Variants in ROBO1 observed in about 807,000 individuals in gnomAD.
ROBO1 encodes the protein roundabout homolog 1.
ROBO1 carries 149 observed loss-of-function variants against 195.9 expected under a neutral mutation model. The observed-to-expected ratio is 0.76, with a 90% CI of 0.67 to 0.87. The LOEUF is 0.87. ROBO1 is among the 40% of genes least tolerant of loss of function. The pLI is 0.00. For missense variants in ROBO1, 1,933 were observed against 2,068.3 expected, an observed-to-expected ratio of 0.93 and a Z score of 1.27; for synonymous variants, 816 against 733.2, an observed-to-expected ratio of 1.11 and a Z score of -1.82.
At chr3:78,819,252 T>C (rs139348683) in intron 4 of ROBO1, among the ~76,000 whole-genome samples, 1 of 151,824 alleles carries the variant, frequency 6.6e-6, no homozygotes, top group African/African-American at 2.4e-5. Flanking sequence ...AATTTTAATG[T>C]CAAATTTAGT....
At chr3:78,668,094 A>G in intron 13 of ROBO1, 40 bp downstream of exon 13, 1 of 1,611,088 alleles carries the variant, frequency 6.2e-7, no homozygotes, top group South Asian at 1.1e-5. Context: ...TTAATGGAGA[A>G]TCAAAAAAGA....
chr3:78,798,693 C>T (rs1289125450), intron 4 of ROBO1, among the ~76,000 whole-genome samples: 1 of 152,094 alleles, frequency 6.6e-6, no homozygotes, highest in Non-Finnish European at 1.5e-5. Flanking sequence ...ACTAGGCAAA[C>T]ATATAGGAAC....
intron 2 of ROBO1, among the ~76,000 whole-genome samples, chr3:79,550,183 GAAAGAAAGAAAGGAAAA>G (rs1431658051): frequency 2.4e-4 from 20 of 82,804 alleles, no homozygotes; most frequent in African/African-American, 5.2e-4. Context: ...AAGAAAGAAA[GAAAGAAAGAAAGGAAAA>G]GAAAAGAAAA....
intron 3 of ROBO1, among the ~76,000 whole-genome samples, chr3:78,947,279 C>T (rs1430254296): frequency 6.6e-6 from 1 of 152,144 alleles, no homozygotes; most frequent in Non-Finnish European, 1.5e-5. Flanking sequence ...GGAAGTAAAG[C>T]ACTCCTCAGC....
At chr3:79,552,578 T>C (rs998945378) in intron 2 of ROBO1, among the ~76,000 whole-genome samples, 5 of 152,188 alleles carry the variant, frequency 3.3e-5, no homozygotes, top group African/African-American at 9.6e-5. Context: ...GAATTTCTAA[T>C]GTGCGAAGTA....
intron 2 of ROBO1, among the ~76,000 whole-genome samples, chr3:79,433,312 G>C (rs1214258175): frequency 6.6e-6 from 1 of 152,144 alleles, no homozygotes; most frequent in African/African-American, 2.4e-5. Context: ...AGTTTGCTGA[G>C]AATAATGGCA....
chr3:79,069,627 C>T (rs2079055201), intron 3 of ROBO1, among the ~76,000 whole-genome samples: 1 of 151,954 alleles, frequency 6.6e-6, no homozygotes, highest in Non-Finnish European at 1.5e-5. Context: ...GCTACTCTTT[C>T]CTTTTCCATT....
intron 4 of ROBO1, among the ~76,000 whole-genome samples, chr3:78,857,918 CATA>C (rs2034553470): frequency 1.3e-5 from 2 of 152,144 alleles, no homozygotes; most frequent in Non-Finnish European, 2.9e-5. Context: ...GTGTACTGAA[CATA>C]ATGGAAACTT....
intron 4 of ROBO1, among the ~76,000 whole-genome samples, chr3:78,839,526 A>G (rs777992044): frequency 6.6e-6 from 1 of 152,018 alleles, no homozygotes; most frequent in Non-Finnish European, 1.5e-5. Flanking sequence ...AATTAATTAA[A>G]CAAATATTAG....
At chr3:79,713,135 C>A (rs1426310640) in intron 1 of ROBO1, among the ~76,000 whole-genome samples, 1 of 149,820 alleles carries the variant, frequency 6.7e-6, no homozygotes, top group African/African-American at 2.5e-5. Flanking sequence ...AAGAAAAGAT[C>A]CTTTTCAAAA....
intron 1 of ROBO1, among the ~76,000 whole-genome samples, chr3:79,704,946 C>T (rs551105506): frequency 3.8e-4 from 58 of 152,080 alleles, no homozygotes; most frequent in African/African-American, 1.3e-3. Flanking sequence ...TGATATGGAG[C>T]TTCTTTTCAT....
chr3:79,654,333 C>A (rs1946097936), intron 1 of ROBO1, among the ~76,000 whole-genome samples: 1 of 151,924 alleles, frequency 6.6e-6, no homozygotes, highest in South Asian at 2.1e-4. Flanking sequence ...AAAGATATTT[C>A]TTTCCAGTGG....
At chr3:79,292,579 A>C (rs575259059) in intron 2 of ROBO1, among the ~76,000 whole-genome samples, 14 of 152,284 alleles carry the variant, frequency 9.2e-5, no homozygotes, top group African/African-American at 3.4e-4. Context: ...GAGGGTTTTT[A>C]GCATGAAGGG....
intron 4 of ROBO1, among the ~76,000 whole-genome samples, chr3:78,860,308 A>ATG (rs1239232295): frequency 7.3e-4 from 45 of 61,906 alleles, no homozygotes; most frequent in Middle Eastern, 9.4e-3. Context: ...TATACTATAT[A>ATG]TATATATATA....
chr3:79,389,926 T>A (rs1252481737), intron 2 of ROBO1, among the ~76,000 whole-genome samples: 1 of 152,146 alleles, frequency 6.6e-6, no homozygotes, highest in Non-Finnish European at 1.5e-5. Flanking sequence ...TTATGTTTTT[T>A]AAGAATCATT....
rs560649974 is a variant in ROBO1 at position 78,728,469 on chromosome 3, AC to A, written c.658-10587del. Among the ~76,000 whole-genome samples the A allele has an allele frequency of 1.3e-3, 176 of 139,300 alleles. 1 individual carries two copies. In the South Asian group the frequency reaches 0.014, roughly 11 times the overall value. 91.4% of individuals were successfully genotyped at this position (139,300 alleles called of 152,430 possible). On this transcript the variant is annotated intron_variant, in intron 5 of 30. Transcript: ENST00000464233. ...TTCTTCTAGGTTATAAAAAAAAAAA[AC>A]CCAGATTAGTCAGCTTTCAATTAAA...
intron 1 of ROBO1, among the ~76,000 whole-genome samples, chr3:79,686,704 A>G (rs1239032829): frequency 6.6e-6 from 1 of 152,310 alleles, no homozygotes; most frequent in East Asian, 1.9e-4. Flanking sequence ...ACCACTGCTC[A>G]ATGAAATAAA....
intron 8 of ROBO1, among the ~76,000 whole-genome samples, chr3:78,699,395 C>CAAAAAA (rs60574193): frequency 1.6e-4 from 13 of 83,042 alleles, no homozygotes; most frequent in African/African-American, 2.4e-4. Flanking sequence ...ACTAAAAATA[C>CAAAAAA]AAAAAAAAAA....
intron 2 of ROBO1, among the ~76,000 whole-genome samples, chr3:79,345,625 C>T (rs2035080668): frequency 1.3e-5 from 2 of 152,102 alleles, no homozygotes; most frequent in Non-Finnish European, 2.9e-5. Context: ...AGACCCACAC[C>T]GTTTTTGCTT....
Sources: allele counts gnomAD v4.1 joint callset (sites outside exome capture counted in the v4.1 genomes callset), GRCh38; gene constraint gnomAD v4.1.1; transcripts MANE v1.5; gene names NCBI Gene and HGNC (gene_info 2026-07-23, HGNC 2026-07-21).